MGST1: variants seen among roughly 807,000 people sequenced by gnomAD.
MGST1 encodes glutathione S-transferase 12.
Under a neutral mutation model 8.9 loss-of-function variants are expected in MGST1, and 5 were observed. That is an observed-to-expected ratio of 0.56 (90% CI 0.29 to 1.19). MGST1 has a LOEUF of 1.19. MGST1 is among the 50% of genes most tolerant of loss of function. MGST1 has a pLI of 0.08. For missense variants in MGST1, 182 were observed against 187.4 expected, an observed-to-expected ratio of 0.97 and a Z score of 0.17; for synonymous variants, 54 against 67.8, an observed-to-expected ratio of 0.80 and a Z score of 1.00.
chr12:16,485,633 T>G (rs2137150458), intron 4 of MGST1, among the ~76,000 whole-genome samples: 1 of 152,314 alleles, frequency 6.6e-6, no homozygotes, highest in East Asian at 1.9e-4. Context: ...ATAATTAATT[T>G]ACCTACCCAC....
At chr12:16,507,022 A>G (rs1180119371) in intron 4 of MGST1, among the ~76,000 whole-genome samples, 2 of 152,220 alleles carry the variant, frequency 1.3e-5, no homozygotes, top group Non-Finnish European at 1.5e-5. Context: ...AATATAGCAT[A>G]AACTTTCCTA....
At chr12:16,530,547 G>A (rs1356049695) in intron 4 of MGST1, among the ~76,000 whole-genome samples, 2 of 152,164 alleles carry the variant, frequency 1.3e-5, no homozygotes, top group African/African-American at 4.8e-5. Flanking sequence ...GTCTGCAGAT[G>A]TATCTGCTGG....
chr12:16,388,606 T>C (rs892370330), intron 1 of MGST1, among the ~76,000 whole-genome samples: 1 of 152,222 alleles, frequency 6.6e-6, no homozygotes, highest in African/African-American at 2.4e-5. Context: ...AACCAGTTAA[T>C]TAACTATATG....
intron 1 of MGST1, among the ~76,000 whole-genome samples, chr12:16,418,996 G>A (rs955746381): frequency 1.3e-5 from 2 of 152,032 alleles, no homozygotes; most frequent in Non-Finnish European, 2.9e-5. Context: ...CATTATTGAT[G>A]TCCAGGCTCA....
At chr12:16,541,437 A>G (rs1295415271) in intron 4 of MGST1, among the ~76,000 whole-genome samples, 2 of 152,172 alleles carry the variant, frequency 1.3e-5, no homozygotes, top group East Asian at 3.8e-4. Context: ...ATCTGTCTGT[A>G]GTTCTAACTA....
At chr12:16,394,799 G>A (rs980659392) in intron 1 of MGST1, among the ~76,000 whole-genome samples, 7 of 151,880 alleles carry the variant, frequency 4.6e-5, no homozygotes, top group Non-Finnish European at 8.8e-5. Context: ...GTTTCACCAT[G>A]TTAGCCAGGC....
In MGST1 at chr12:16,361,803, G is replaced by A. The variant is rs924301839; in HGVS notation, c.222-1992G>A. Among the ~76,000 whole-genome samples the A allele has an allele frequency of 6.6e-6, 1 of 152,146 alleles. No individual in the cohort carries two copies. Among genetic ancestry groups the A allele is most frequent in the African/African-American group, 2.4e-5 (1 of 41,434 alleles). On this transcript the variant is annotated intron_variant, in intron 3 of 3. Coordinates refer to ENST00000396210, the MANE Select transcript of MGST1 (RefSeq NM_020300.5). The surrounding 1 kb of genome is among the most constrained non-coding windows in gnomAD (Gnocchi z 4.2). ...CTTTGAGAACATTTTGAGGGCTGAC[G>A]AAAGAGAAAGAGAACTCAAAAGGGA...
intron 4 of MGST1, among the ~76,000 whole-genome samples, chr12:16,493,927 T>C (rs903626044): frequency 1.3e-5 from 2 of 152,112 alleles, no homozygotes; most frequent in African/African-American, 4.8e-5. Context: ...AAGAGAACCT[T>C]TATAGATTGT....
exon 4 of MGST1, chr12:16,376,345 G>A (rs1277415754): frequency 6.7e-6 from 3 of 447,938 alleles, no homozygotes; most frequent in African/African-American, 2.0e-5. Context: ...CTATTACTGC[G>A]GGAAGTACCC....
intron 2 of MGST1, among the ~76,000 whole-genome samples, chr12:16,355,747 A>G (rs563299831): frequency 2.0e-5 from 3 of 152,316 alleles, no homozygotes; most frequent in Non-Finnish European, 4.4e-5. Context: ...CAGTCATTTT[A>G]CACACTTGTT....
chr12:16,414,055 T>C (rs1040608903), intron 1 of MGST1, among the ~76,000 whole-genome samples: 2 of 138,984 alleles, frequency 1.4e-5, no homozygotes, highest in African/African-American at 5.0e-5. Context: ...GACCATCTGG[T>C]TTTATACAAA....
At chr12:16,575,850 T>A (rs1454895103) in intron 4 of MGST1, among the ~76,000 whole-genome samples, 1 of 152,082 alleles carries the variant, frequency 6.6e-6, no homozygotes, top group Non-Finnish European at 1.5e-5. Context: ...GGCCTTACAG[T>A]CTAGTTCTCC....
At chr12:16,493,924 C>G (rs761034320) in intron 4 of MGST1, among the ~76,000 whole-genome samples, 24 of 152,036 alleles carry the variant, frequency 1.6e-4, no homozygotes, top group Non-Finnish European at 3.2e-4. Context: ...TAGAAGAGAA[C>G]CTTTATAGAT....
chr12:16,473,431 C>T (rs1372809617), intron 4 of MGST1, among the ~76,000 whole-genome samples: 1 of 152,150 alleles, frequency 6.6e-6, no homozygotes, highest in Admixed American at 6.5e-5. Flanking sequence ...TGAAATATCT[C>T]ACCACCCACT....
intron 4 of MGST1, among the ~76,000 whole-genome samples, chr12:16,507,348 T>C (rs774157535): frequency 2.6e-5 from 4 of 152,128 alleles, no homozygotes; most frequent in Non-Finnish European, 5.9e-5. Flanking sequence ...TTTGAATGTC[T>C]TGCTGAGGAG....
At chr12:16,464,497 G>A (rs1166397432) in intron 4 of MGST1, among the ~76,000 whole-genome samples, 2 of 152,150 alleles carry the variant, frequency 1.3e-5, no homozygotes, top group African/African-American at 4.8e-5. Flanking sequence ...ATTAGCCATG[G>A]GCTGTGTGTG....
chr12:16,573,680 C>G (rs541655865), intron 4 of MGST1: 3 of 152,212 alleles, frequency 2.0e-5, no homozygotes, highest in Non-Finnish European at 2.9e-5. Flanking sequence ...CTGCTCTGCT[C>G]GAGCTGGAGC....
chr12:16,412,042 T>A (rs1448202719), intron 1 of MGST1, among the ~76,000 whole-genome samples: 1 of 152,200 alleles, frequency 6.6e-6, no homozygotes, highest in African/African-American at 2.4e-5. Context: ...ATTAAAAAAA[T>A]TAGTCACTAT....
At position 16,547,085 on chromosome 12, in the gene MGST1, A is replaced by T. The variant is rs1489750116; in HGVS notation, n.483-42443A>T. ...AATACTTTTCTAATAGCATGGCCTC[A>T]AAGGAAGCTCTAGTAAAAATGAATT... On this transcript the variant is annotated intron_variant and non_coding_transcript_variant, in intron 4 of 4. Transcript: ENST00000538857. This position sits in a 1 kb window ranked among gnomAD's most constrained non-coding sequence, Gnocchi z 4.6. 1.3e-5 allele frequency among the ~76,000 whole-genome samples: 2 copies of T among 152,170 alleles called. No individual in the cohort carries two copies. The highest frequency in any genetic ancestry group is 2.9e-5 in the Non-Finnish European group (2 of 68,020).
Sources: allele counts gnomAD v4.1 joint callset (sites outside exome capture counted in the v4.1 genomes callset), GRCh38; gene constraint gnomAD v4.1.1; non-coding constraint Gnocchi (gnomAD v3.1); transcripts MANE v1.5; gene names NCBI Gene and HGNC (gene_info 2026-07-23, HGNC 2026-07-21).